The following NEGR1 variants were observed in gnomAD, a reference collection of about 807,000 sequenced individuals.
NEGR1 encodes neuronal growth regulator 1.
NEGR1 carries 10 observed loss-of-function variants against 40.9 expected under a neutral mutation model. That is an observed-to-expected ratio of 0.24 (90% CI 0.15 to 0.42). NEGR1 has a LOEUF of 0.42. NEGR1 is among the 10% of genes least tolerant of loss of function. The probability of loss-of-function intolerance (pLI) is 1.00; values close to 1 mark genes in which losing one functional copy is unlikely to be tolerated. For synonymous variants in NEGR1, 185 were observed against 166.8 expected, an observed-to-expected ratio of 1.11 and a Z score of -0.84; for missense variants, 352 against 438.9, an observed-to-expected ratio of 0.80 and a Z score of 1.77.
intron 2 of NEGR1, among the ~76,000 whole-genome samples, chr1:71,858,613 A>G (rs1432326254): frequency 2.0e-5 from 3 of 152,084 alleles, no homozygotes; most frequent in Admixed American, 6.6e-5. Flanking sequence ...CTTGTTCTCA[A>G]TGGGACATCA....
intron 3 of NEGR1, among the ~76,000 whole-genome samples, chr1:71,759,286 A>G (rs1655851589): frequency 9.6e-6 from 1 of 103,740 alleles, no homozygotes; most frequent in Non-Finnish European, 2.1e-5. Flanking sequence ...CAAGATTATA[A>G]CTTTTTTTTT....
intron 6 of NEGR1, among the ~76,000 whole-genome samples, chr1:71,447,048 C>A (rs1226280549): frequency 6.6e-6 from 1 of 152,236 alleles, no homozygotes; most frequent in Non-Finnish European, 1.5e-5. Flanking sequence ...TATTCTACTG[C>A]TGACAGGTCC....
At chr1:71,526,754 G>A (rs1465804912) in intron 6 of NEGR1, among the ~76,000 whole-genome samples, 1 of 151,374 alleles carries the variant, frequency 6.6e-6, no homozygotes, top group African/African-American at 2.4e-5. Context: ...ACGTTAATTA[G>A]ACCTTGATCC....
intron 6 of NEGR1, chr1:71,486,913 A>G (rs2101379240): frequency 6.6e-6 from 1 of 151,656 alleles, no homozygotes; most frequent in East Asian, 2.0e-4. Flanking sequence ...TTCCTCTCAC[A>G]GTGTTCCATA....
At chr1:72,138,463 T>A (rs192125543) in intron 1 of NEGR1, among the ~76,000 whole-genome samples, 236 of 152,044 alleles carry the variant, frequency 1.6e-3, no homozygotes, top group Middle Eastern at 0.01. Flanking sequence ...AGGCCAAATA[T>A]GTGCTGCCAA....
chr1:71,916,198 T>A, intron 2 of NEGR1, among the ~76,000 whole-genome samples: 1 of 152,340 alleles, frequency 6.6e-6, no homozygotes, highest in African/African-American at 2.4e-5. Flanking sequence ...TTTATTTAAA[T>A]GTTTATTTTA....
At chr1:71,515,788 T>C (rs1264838107) in intron 6 of NEGR1, among the ~76,000 whole-genome samples, 9 of 129,460 alleles carry the variant, frequency 7.0e-5, no homozygotes, top group South Asian at 5.6e-4. Flanking sequence ...GCAAATTGGA[T>C]AAAGAGTCAA....
intron 1 of NEGR1, among the ~76,000 whole-genome samples, chr1:72,095,105 G>A (rs1311122234): frequency 6.6e-6 from 1 of 152,050 alleles, no homozygotes; most frequent in African/African-American, 2.4e-5. Context: ...GAAATATGAT[G>A]ATATGCCTAA....
At chr1:71,881,576 T>C (rs1660585307) in intron 2 of NEGR1, among the ~76,000 whole-genome samples, 1 of 152,090 alleles carries the variant, frequency 6.6e-6, no homozygotes, top group Non-Finnish European at 1.5e-5. Context: ...CCATTTTAAA[T>C]AAAGATTCTG....
chr1:71,655,574 A>T (rs1651849479), intron 4 of NEGR1, among the ~76,000 whole-genome samples: 1 of 152,236 alleles, frequency 6.6e-6, no homozygotes, highest in Non-Finnish European at 1.5e-5. Flanking sequence ...GGCAGAAATC[A>T]GTACCTAATC....
chr1:71,539,361 A>G (rs756884297), intron 6 of NEGR1, among the ~76,000 whole-genome samples: 2 of 151,784 alleles, frequency 1.3e-5, no homozygotes. Flanking sequence ...CTATTAATCT[A>G]CTAAACAGAT....
chr1:71,894,231 TAAAA>T (rs917318818), intron 2 of NEGR1, among the ~76,000 whole-genome samples: 6 of 125,868 alleles, frequency 4.8e-5, no homozygotes, highest in African/African-American at 1.2e-4. Context: ...ATAATAATAA[TAAAA>T]AAAGAAAAAA....
chr1:71,639,786 G>A (rs1227988349), intron 4 of NEGR1, among the ~76,000 whole-genome samples: 3 of 151,938 alleles, frequency 2.0e-5, no homozygotes, highest in African/African-American at 4.8e-5. Context: ...GAATGGAGAC[G>A]TACATTTCAT....
rs115456630 is a variant in NEGR1 at position 71,550,894 on chromosome 1, G to A, written c.940+41923C>T. Reference sequence around the variant, plus strand: ...GGGCAAGCTATGAGATAAGCCCTACGTATTCACTACGTATACATTTAAGTG... The same window carrying A: ...GGGCAAGCTATGAGATAAGCCCTACATATTCACTACGTATACATTTAAGTG... On this transcript the variant is annotated intron_variant, in intron 6 of 6. Transcript: ENST00000357731. Among the ~76,000 whole-genome samples the A allele has an allele frequency of 5.9e-3, 902 of 151,628 alleles. 9 individuals carry two copies. Among genetic ancestry groups the A allele is most frequent in the African/African-American group, 0.021 (860 of 41,442 alleles).
At chr1:71,967,329 G>C (rs992118058) in intron 1 of NEGR1, among the ~76,000 whole-genome samples, 2 of 152,136 alleles carry the variant, frequency 1.3e-5, no homozygotes, top group African/African-American at 4.8e-5. Context: ...GTCAGGGAAA[G>C]AAAATAGAGC....
At chr1:71,500,888 T>C (rs1646994137) in intron 6 of NEGR1, among the ~76,000 whole-genome samples, 1 of 152,120 alleles carries the variant, frequency 6.6e-6, no homozygotes, top group Admixed American at 6.5e-5. Flanking sequence ...TGTATTATTA[T>C]AATTTATGTT....
intron 1 of NEGR1, among the ~76,000 whole-genome samples, chr1:72,200,899 T>G (rs1183366270): frequency 6.6e-6 from 1 of 151,922 alleles, no homozygotes; most frequent in Non-Finnish European, 1.5e-5. Flanking sequence ...GATTATATAC[T>G]TTACTAATAA....
chr1:72,165,042 T>G (rs1185976215), intron 1 of NEGR1, among the ~76,000 whole-genome samples: 1 of 152,026 alleles, frequency 6.6e-6, no homozygotes, highest in African/African-American at 2.4e-5. Context: ...GCAGAAGGTA[T>G]GAGCCTTGAC....
At chr1:71,446,838 T>TCGATG (rs1445478081) in intron 6 of NEGR1, among the ~76,000 whole-genome samples, 2 of 152,230 alleles carry the variant, frequency 1.3e-5, no homozygotes, top group Non-Finnish European at 2.9e-5. Context: ...GTAACCATTA[T>TCGATG]GTTGACTTCT....
Sources: allele counts gnomAD v4.1 joint callset (sites outside exome capture counted in the v4.1 genomes callset), GRCh38; gene constraint gnomAD v4.1.1; transcripts MANE v1.5; gene names NCBI Gene and HGNC (gene_info 2026-07-23, HGNC 2026-07-21).